The following STAC variants were observed in gnomAD, a reference collection of about 807,000 sequenced individuals.
STAC encodes the protein SH3 and cysteine rich domain.
A neutral mutation model predicts 48.8 loss-of-function variants in STAC; 43 were observed. That is an observed-to-expected ratio of 0.88 (90% CI 0.69 to 1.14). The LOEUF (loss-of-function observed/expected upper bound fraction) is 1.14, where lower values mean the gene tolerates loss of function less well. STAC is among the 50% of genes most tolerant of loss of function. The pLI, the probability that STAC is intolerant of heterozygous loss-of-function variation, is 0.00. For missense variants in STAC, 497 were observed against 504.0 expected (o/e 0.99, Z 0.13); for synonymous variants, 193 against 179.5 (o/e 1.07, Z -0.60).
At position 36,402,080 on chromosome 3, in the gene STAC, C is replaced by CTGTT. The variant is rs560617267; in HGVS notation, c.111+21344_111+21347dup. 6.0e-4 allele frequency among the ~76,000 whole-genome samples: 91 copies of CTGTT among 152,262 alleles called. 2 individuals are homozygous for CTGTT. In the East Asian group the frequency reaches 0.011, roughly 18 times the overall value. Reference sequence around the variant, plus strand: ...GAGATTCATTTCTGACTCTAAGTCCCTGTTTGTTTGTTTGTTTGTTTTTGT... The same window carrying CTGTT: ...GAGATTCATTTCTGACTCTAAGTCCCTGTTTGTTTGTTTGTTTGTTTGTTTTTGT... On this transcript the variant is annotated intron_variant, in intron 1 of 10. Coordinates refer to ENST00000273183, the MANE Select transcript of STAC (RefSeq NM_003149.3).
chr3:36,538,361 A>G (rs1027216381), intron 10 of STAC, among the ~76,000 whole-genome samples: 1 of 152,188 alleles, frequency 6.6e-6, no homozygotes, highest in Non-Finnish European at 1.5e-5. Flanking sequence ...CCCTTTATAG[A>G]AAAAGTTTGC....
At chr3:36,503,546 G>C (rs928609308) in intron 6 of STAC, among the ~76,000 whole-genome samples, 3 of 152,028 alleles carry the variant, frequency 2.0e-5, no homozygotes, top group Non-Finnish European at 4.4e-5. Context: ...CGATTCTCTT[G>C]TCTCAGCCTC....
chr3:36,452,387 G>GAGAC (rs1195579777), intron 2 of STAC, among the ~76,000 whole-genome samples: 4 of 152,158 alleles, frequency 2.6e-5, no homozygotes, highest in Non-Finnish European at 4.4e-5. Context: ...AGGGGTAAAG[G>GAGAC]AGACAGGTTG....
chr3:36,528,926 T>C lies in STAC; in HGVS notation c.1051T>C (p.Cys351Arg). Residue 351 changes from cysteine (C) to arginine (R), a missense_variant, in exon 10 of 11, where the codon TGT becomes CGT. Cys to Arg is a radical substitution (Grantham distance 180). Coordinates refer to ENST00000273183, the MANE Select transcript of STAC (RefSeq NM_003149.3). ...ACAACAAAATGAGAAGATTTTTAGATGTGTTAGAACCTTCATTGGGTGTAA... is the reference window on the plus strand; with the variant it reads ...ACAACAAAATGAGAAGATTTTTAGACGTGTTAGAACCTTCATTGGGTGTAA... The part of the protein sequence containing the change: ...RLQQNEKIFR[C>R]VRTFIGCKEQ... 4 of 1,613,820 alleles carry C rather than the reference T, an allele frequency of 2.5e-6. No individual in the cohort carries two copies. Among genetic ancestry groups the C allele is most frequent in the Non-Finnish European group, 3.4e-6 (4 of 1,179,864 alleles).
chr3:36,437,826 C>A (rs1470403604), intron 1 of STAC, among the ~76,000 whole-genome samples: 17 of 142,760 alleles, frequency 1.2e-4, no homozygotes, highest in African/African-American at 3.1e-4. Context: ...TATTAAAAGA[C>A]AAAAAAAAAA....
intron 2 of STAC, among the ~76,000 whole-genome samples, chr3:36,451,236 CTG>C (rs780946935): frequency 2.7e-4 from 41 of 152,110 alleles, no homozygotes; most frequent in Non-Finnish European, 5.1e-4. Flanking sequence ...ATAATTACCT[CTG>C]AGAGTTTCAA....
chr3:36,545,233 G>T (rs1177688206), intron 10 of STAC, among the ~76,000 whole-genome samples: 1 of 152,202 alleles, frequency 6.6e-6, no homozygotes, highest in Non-Finnish European at 1.5e-5. Context: ...CTGACATGGG[G>T]TTCAAAAGTC....
chr3:36,492,795 C>A (rs973245727), intron 5 of STAC, among the ~76,000 whole-genome samples: 1 of 152,146 alleles, frequency 6.6e-6, no homozygotes, highest in Non-Finnish European at 1.5e-5. Flanking sequence ...AAAGAGCTAG[C>A]GTTTTATTGA....
chr3:36,496,090 C>G (rs951887405), intron 6 of STAC, among the ~76,000 whole-genome samples: 5 of 152,218 alleles, frequency 3.3e-5, no homozygotes, highest in African/African-American at 1.2e-4. Context: ...AATTTTCCAT[C>G]TCTTCTGTGT....
intron 2 of STAC, among the ~76,000 whole-genome samples, chr3:36,466,224 A>T (rs978891614): frequency 6.6e-6 from 1 of 151,836 alleles, no homozygotes; most frequent in African/African-American, 2.4e-5. Context: ...ATATGGCTTT[A>T]TTTCTGGGTT....
intron 5 of STAC, among the ~76,000 whole-genome samples, chr3:36,492,031 AATATATATATATATATATATATAT>A (rs11267408): frequency 1.1e-3 from 18 of 16,444 alleles, no homozygotes; most frequent in South Asian, 5.6e-3. Context: ...AAAAAAAAAA[AATATATATATATATATATATATAT>A]ATATATATAT....
At chr3:36,544,555 T>C (rs936797983) in intron 10 of STAC, among the ~76,000 whole-genome samples, 1 of 152,186 alleles carries the variant, frequency 6.6e-6, no homozygotes, top group Non-Finnish European at 1.5e-5. Flanking sequence ...GACCCTATTA[T>C]TCTGAGGGCA....
At chr3:36,504,586 T>A in intron 7 of STAC, 129 bp downstream of exon 7, 1 of 705,664 alleles carries the variant, frequency 1.4e-6, no homozygotes, top group Non-Finnish European at 2.5e-6. Flanking sequence ...TAGAATAATA[T>A]AGCACAACGT....
At chr3:36,516,709 C>A (rs575248309) in intron 8 of STAC, among the ~76,000 whole-genome samples, 3 of 152,154 alleles carry the variant, frequency 2.0e-5, no homozygotes, top group Non-Finnish European at 4.4e-5. Flanking sequence ...CCAACTCTGA[C>A]ACTATCTGTG....
At chr3:36,405,303 A>G (rs1180113126) in intron 1 of STAC, among the ~76,000 whole-genome samples, 1 of 152,076 alleles carries the variant, frequency 6.6e-6, no homozygotes, top group East Asian at 1.9e-4. Flanking sequence ...AAGTGTTCCA[A>G]CCCTCCACCA....
At chr3:36,460,011 G>C (rs1171968812) in intron 2 of STAC, among the ~76,000 whole-genome samples, 1 of 151,960 alleles carries the variant, frequency 6.6e-6, no homozygotes, top group Non-Finnish European at 1.5e-5. Context: ...TCTCTACTTG[G>C]CAACCTTGAG....
chr3:36,401,694 C>G (rs73828877), intron 1 of STAC, among the ~76,000 whole-genome samples: 33,884 of 152,098 alleles, frequency 0.22, 3,966 homozygotes, highest in Admixed American at 0.25. Flanking sequence ...ATATAATTTG[C>G]GGGGCCCAGT....
Position 36,410,314 on chromosome 3 carries a change from T to G in STAC, c.111+29560T>G, listed in dbSNP as rs145884613. On this transcript the variant is annotated intron_variant, in intron 1 of 10. Transcript: ENST00000273183. ...TGTTTCGTGGGTATGTGTGTCTATA[T>G]CCCATGCTCTGTGAATGTAAGTAAT... Among the ~76,000 whole-genome samples, 7 of 152,332 alleles carry G rather than the reference T, an allele frequency of 4.6e-5. No individual in the cohort carries two copies. In the East Asian group the frequency reaches 1.3e-3, roughly 29 times the overall value.
chr3:36,422,329 G>C (rs1057478044), intron 1 of STAC, among the ~76,000 whole-genome samples: 4 of 152,032 alleles, frequency 2.6e-5, no homozygotes, highest in Admixed American at 1.3e-4. Context: ...TAAGCTATAA[G>C]AGATGTCAGT....
Sources: allele counts gnomAD v4.1 joint callset (sites outside exome capture counted in the v4.1 genomes callset), GRCh38; gene constraint gnomAD v4.1.1; transcripts MANE v1.5; gene names NCBI Gene and HGNC (gene_info 2026-07-23, HGNC 2026-07-21).